Variants in IQSEC1 observed in about 807,000 individuals in gnomAD.
The protein encoded by IQSEC1 is IQ motif and SEC7 domain-containing protein 1.
IQSEC1 carries 31 observed loss-of-function variants against 91.0 expected under a neutral mutation model. The observed-to-expected ratio is 0.34, with a 90% CI of 0.26 to 0.46. The LOEUF is 0.46. IQSEC1 is among the 20% of genes least tolerant of loss of function. IQSEC1 has a pLI of 1.00. For synonymous variants in IQSEC1, 699 were observed against 662.6 expected (o/e 1.05, Z -0.84); for missense variants, 1,388 against 1,575.6 (o/e 0.88, Z 2.02).
intron 1 of IQSEC1, among the ~76,000 whole-genome samples, chr3:13,182,101 G>T (rs1389328193): frequency 6.6e-6 from 1 of 152,242 alleles, no homozygotes; most frequent in Non-Finnish European, 1.5e-5. Context: ...CTCATGGTCT[G>T]CAGAGCTACC....
intron 1 of IQSEC1, among the ~76,000 whole-genome samples, chr3:13,071,796 C>T (rs1423901549): frequency 6.9e-6 from 1 of 145,726 alleles, no homozygotes; most frequent in Non-Finnish European, 1.5e-5. Context: ...TTCCCTGAAC[C>T]AGAGGCCACT....
chr3:13,192,156 G>A lies in IQSEC1; in HGVS notation c.273-28023C>T, dbSNP rs992866575. ...CGAGACCATCCTGGCTAACACGGTGGAACCCCGTCTCTACTAAAAATACAA... is the reference window on the plus strand; with the variant it reads ...CGAGACCATCCTGGCTAACACGGTGAAACCCCGTCTCTACTAAAAATACAA... On this transcript the variant is annotated intron_variant, in intron 1 of 15. Coordinates refer to the IQSEC1 transcript ENST00000648114. Among the ~76,000 whole-genome samples the A allele has an allele frequency of 4.6e-5, 7 of 151,866 alleles. 1 individual carries two copies. The highest frequency in any genetic ancestry group is 1.7e-4 in the African/African-American group (7 of 41,456).
At chr3:12,901,651 G>T in intron 13 of IQSEC1, 129 bp from the exon 14 acceptor site, 1 of 796,124 alleles carries the variant, frequency 1.3e-6, no homozygotes, top group East Asian at 2.7e-5. Flanking sequence ...ACTGGCCAGA[G>T]GGTGGGGCTC....
intron 2 of IQSEC1, among the ~76,000 whole-genome samples, chr3:13,129,875 G>A (rs544575384): frequency 2.0e-5 from 3 of 151,788 alleles, no homozygotes; most frequent in East Asian, 3.9e-4. Context: ...AGCCTGGATG[G>A]TCTCGATCTC....
chr3:12,988,011 G>A (rs1446879034), intron 1 of IQSEC1, among the ~76,000 whole-genome samples: 2 of 152,224 alleles, frequency 1.3e-5, no homozygotes, highest in African/African-American at 2.4e-5. Context: ...CATGTGTGCT[G>A]GGACACAGGT....
intron 1 of IQSEC1, among the ~76,000 whole-genome samples, chr3:13,033,371 C>T (rs898688681): frequency 2.0e-5 from 3 of 152,198 alleles, no homozygotes; most frequent in African/African-American, 4.8e-5. Context: ...CCTCACAGTT[C>T]TGGAGGCTGG....
chr3:13,056,025 C>G (rs1440449563), intron 1 of IQSEC1, among the ~76,000 whole-genome samples: 1 of 152,104 alleles, frequency 6.6e-6, no homozygotes, highest in Non-Finnish European at 1.5e-5. Flanking sequence ...CAAGGACTCT[C>G]TTCTTAAGAC....
intron 2 of IQSEC1, among the ~76,000 whole-genome samples, chr3:13,133,876 T>C (rs1706664407): frequency 6.6e-6 from 1 of 152,076 alleles, no homozygotes; most frequent in African/African-American, 2.4e-5. Context: ...CAAGGAGCTA[T>C]CTTCCCCACC....
intron 2 of IQSEC1, among the ~76,000 whole-genome samples, chr3:12,939,104 A>C (rs146370026): frequency 2.9e-3 from 442 of 152,312 alleles, no homozygotes; most frequent in African/African-American, 0.01. Flanking sequence ...ACCTCACAGC[A>C]GCTTCTGCTC....
chr3:13,166,536 C>T (rs1392158173), intron 1 of IQSEC1, among the ~76,000 whole-genome samples: 3 of 152,228 alleles, frequency 2.0e-5, no homozygotes, highest in Non-Finnish European at 4.4e-5. Context: ...CCTCAGTAGT[C>T]ACTTAATCTC....
At chr3:12,968,245 T>C (rs554810228) in intron 1 of IQSEC1, among the ~76,000 whole-genome samples, 2 of 152,310 alleles carry the variant, frequency 1.3e-5, no homozygotes, top group Non-Finnish European at 2.9e-5. Flanking sequence ...GGGGCTCTGA[T>C]GCGCCCCAGA....
In IQSEC1 at chr3:13,193,461, C is replaced by T. The variant is rs367964974; in HGVS notation, c.273-29328G>A. Among the ~76,000 whole-genome samples the T allele has an allele frequency of 4.6e-5, 7 of 152,066 alleles. No homozygotes were observed. In the South Asian group the frequency reaches 8.3e-4, roughly 18 times the overall value. On this transcript the variant is annotated intron_variant, in intron 1 of 15. Transcript: ENST00000648114. The surrounding 1 kb of genome is among the most constrained non-coding windows in gnomAD (Gnocchi z 4.2). ...AGTGGTGACCACAGGAAGGGGAGCA[C>T]GCTGGGGGATGAAGGATGTGGACGG...
intron 2 of IQSEC1, among the ~76,000 whole-genome samples, chr3:13,081,228 G>A (rs2686750): frequency 0.15 from 22,498 of 152,210 alleles, 1,870 homozygotes; most frequent in Non-Finnish European, 0.18. Context: ...TCTCTGGGTG[G>A]CAGAATAACT....
chr3:13,086,589 G>A (rs1298956725), intron 2 of IQSEC1, among the ~76,000 whole-genome samples: 1 of 152,130 alleles, frequency 6.6e-6, no homozygotes, highest in Non-Finnish European at 1.5e-5. Flanking sequence ...GCTTCCCACT[G>A]CACTCAGAAC....
Position 12,902,693 on chromosome 3 carries a change from A to C in IQSEC1, c.2805+80T>G, listed in dbSNP as rs1694492040. 9.5e-6 allele frequency: 7 copies of C among 738,344 alleles called. No individual in the cohort carries two copies. In the East Asian group the frequency reaches 1.9e-4, roughly 20 times the overall value. 45.7% of individuals were successfully genotyped at this position (738,344 alleles called of 1,614,324 possible). A position where few individuals can be genotyped will look rare whatever the true frequency, so the allele number is the denominator to read the frequency against. ...ACCAAAAAAAAAAAAAAAAAAAAAA[A>C]ACCAGGACAACAGATATGAACTGAG... On this transcript the variant is annotated intron_variant, in intron 13 of 13. Transcript: ENST00000613206.
intron 1 of IQSEC1, among the ~76,000 whole-genome samples, chr3:12,998,177 C>A (rs955980550): frequency 6.6e-6 from 1 of 152,096 alleles, no homozygotes; most frequent in Non-Finnish European, 1.5e-5. Context: ...TGGCAAAACA[C>A]CGTCTCTACT....
intron 1 of IQSEC1, among the ~76,000 whole-genome samples, chr3:13,245,766 C>CAAAA (rs60741725): frequency 0.19 from 21,169 of 113,558 alleles, 2,950 homozygotes; most frequent in African/African-American, 0.41. Context: ...GACCCTGTTT[C>CAAAA]AAAAAAAAAA....
At position 13,090,664 on chromosome 3, in the gene IQSEC1, G is replaced by A. The variant is rs147480455; in HGVS notation, c.303-43142C>T. On this transcript the variant is annotated intron_variant, in intron 2 of 15. Transcript: ENST00000648114. ...GAGACTCTACAGCCCACCACATCCC[G>A]AGAGCCCCTTCTCCCTCCCCACAGC... Among the ~76,000 whole-genome samples the A allele has an allele frequency of 1.4e-3, 208 of 152,256 alleles. 2 individuals carry two copies. The highest frequency in any genetic ancestry group is 4.7e-3 in the African/African-American group (196 of 41,552).
chr3:13,162,179 C>T (rs1040427360), intron 2 of IQSEC1, among the ~76,000 whole-genome samples: 6 of 152,220 alleles, frequency 3.9e-5, no homozygotes, highest in Non-Finnish European at 7.3e-5. Context: ...AGGGCGACCC[C>T]GTAAGGGACC....
Sources: allele counts gnomAD v4.1 joint callset (sites outside exome capture counted in the v4.1 genomes callset), GRCh38; gene constraint gnomAD v4.1.1; non-coding constraint Gnocchi (gnomAD v3.1); transcripts MANE v1.5; gene names NCBI Gene and HGNC (gene_info 2026-07-23, HGNC 2026-07-21).